Variants in ADCY1 observed in about 807,000 individuals in gnomAD.
ADCY1 encodes adenylate cyclase 1.
A neutral mutation model predicts 105.4 loss-of-function variants in ADCY1; 28 were observed. The ratio of observed to expected loss-of-function variants is 0.27; its 90% CI spans 0.20 to 0.36. The LOEUF (loss-of-function observed/expected upper bound fraction) is 0.36, where lower values mean the gene tolerates loss of function less well. ADCY1 is among the 10% of genes least tolerant of loss of function. ADCY1 has a pLI of 1.00. For missense variants in ADCY1, 977 were observed against 1,434.2 expected, an observed-to-expected ratio of 0.68 and a Z score of 5.15; for synonymous variants, 655 against 623.8, an observed-to-expected ratio of 1.05 and a Z score of -0.75.
chr7:45,589,778 C>T (rs1792854140), intron 1 of ADCY1, among the ~76,000 whole-genome samples: 1 of 151,352 alleles, frequency 6.6e-6, no homozygotes, highest in Non-Finnish European at 1.5e-5. Context: ...TTCTCAACCA[C>T]CCTCCACCGT....
Position 45,575,488 on chromosome 7 carries a change from G to A in ADCY1, c.639+306G>A, listed in dbSNP as rs1194006118. Among the ~76,000 whole-genome samples, 2 of 152,262 alleles carry A rather than the reference G, an allele frequency of 1.3e-5. No homozygotes were observed. The highest frequency in any genetic ancestry group is 4.8e-5 in the African/African-American group (2 of 41,480). ...GGGAGCTGATGAGCGGCCAGACGGC[G>A]GCCAGAGGGGTCCGCCGGTCTTTTG... On this transcript the variant is annotated intron_variant, in intron 1 of 19. Coordinates refer to ENST00000297323, the MANE Select transcript of ADCY1 (RefSeq NM_021116.4). This position sits in a 1 kb window ranked among gnomAD's most constrained non-coding sequence, Gnocchi z 4.7.
intron 12 of ADCY1, among the ~76,000 whole-genome samples, 158 bp downstream of exon 12, chr7:45,685,226 T>G (rs1784642464): frequency 6.6e-6 from 1 of 152,210 alleles, no homozygotes; most frequent in African/African-American, 2.4e-5. Flanking sequence ...CAAGAGACTT[T>G]ACTTAGCAGA....
intron 4 of ADCY1, among the ~76,000 whole-genome samples, chr7:45,646,109 G>T (rs1160249906): frequency 6.6e-6 from 1 of 152,092 alleles, no homozygotes; most frequent in East Asian, 1.9e-4. Context: ...ACATTTGGGG[G>T]ATGTTTGGAA....
chr7:45,578,735 G>T (rs1792426207), intron 1 of ADCY1, among the ~76,000 whole-genome samples: 1 of 152,200 alleles, frequency 6.6e-6, no homozygotes, highest in African/African-American at 2.4e-5. Context: ...CATTGCCTGG[G>T]GAGAACCAGG....
At chr7:45,656,282 G>A (rs552587933) in intron 5 of ADCY1, among the ~76,000 whole-genome samples, 30 of 150,522 alleles carry the variant, frequency 2.0e-4, no homozygotes, top group Middle Eastern at 3.4e-3. Context: ...CAGCCTGGGC[G>A]ACAGAGCGAA....
chr7:45,621,687 T>C (rs943072273), intron 3 of ADCY1, among the ~76,000 whole-genome samples: 2 of 152,192 alleles, frequency 1.3e-5, no homozygotes, highest in African/African-American at 2.4e-5. Context: ...TCTTTGGCGA[T>C]ACACTGTGTT....
chr7:45,655,749 A>G (rs1284597901), intron 5 of ADCY1, among the ~76,000 whole-genome samples: 2 of 152,094 alleles, frequency 1.3e-5, no homozygotes, highest in Non-Finnish European at 2.9e-5. Context: ...TGCTTTGGTG[A>G]GCTCGAGGGG....
At position 45,575,205 on chromosome 7, in the gene ADCY1, C is replaced by T; in HGVS notation, c.639+23C>T. 3 of 1,559,660 alleles carry T rather than the reference C, an allele frequency of 1.9e-6. No individual in the cohort carries two copies. The highest frequency in any genetic ancestry group is 2.6e-6 in the Non-Finnish European group (3 of 1,155,068). On this transcript the variant is annotated intron_variant, in intron 1 of 19. Coordinates refer to ENST00000297323, the MANE Select transcript of ADCY1 (RefSeq NM_021116.4). The surrounding 1 kb of genome is among the most constrained non-coding windows in gnomAD (Gnocchi z 4.7). ...ACGGTAAGTGCAGCCGCGCACCCCTCATCTGGTCTCGGACACACTTGCTGG... is the reference window on the plus strand; with the variant it reads ...ACGGTAAGTGCAGCCGCGCACCCCTTATCTGGTCTCGGACACACTTGCTGG...
intron 8 of ADCY1, among the ~76,000 whole-genome samples, chr7:45,669,054 A>G (rs1311594618): frequency 7.9e-5 from 12 of 151,624 alleles, no homozygotes; most frequent in Non-Finnish European, 1.8e-4. Context: ...GCGGTCTATC[A>G]ATTTTGTTGA....
chr7:45,678,282 G>C lies in ADCY1; in HGVS notation c.1898+19G>C. On this transcript the variant is annotated intron_variant, in intron 10 of 19. Coordinates refer to ENST00000297323, the MANE Select transcript of ADCY1 (RefSeq NM_021116.4). ...TCCCACAGTGAGTATTTCTATCAAC[G>C]AGGTGAGGAACTCACCAAGAAGTCC... 3 of 1,606,552 alleles carry C rather than the reference G, an allele frequency of 1.9e-6. No individual in the cohort carries two copies. The highest frequency in any genetic ancestry group is 2.2e-5 in the South Asian group (2 of 90,940).
rs1785381231 is a variant in ADCY1 at position 45,717,503 on chromosome 7, ATT to A, written c.*3509_*3510del. On this transcript the variant is annotated 3_prime_UTR_variant, in exon 20 of 20. Coordinates refer to ENST00000297323, the MANE Select transcript of ADCY1 (RefSeq NM_021116.4). ...GCCATTCGGGTAGGATTCTCTCTAAATTATTTATTGAAGAGGCTTTGTAAATA... is the reference window on the plus strand; with the variant it reads ...GCCATTCGGGTAGGATTCTCTCTAAAATTTATTGAAGAGGCTTTGTAAATA... The A allele has an allele frequency of 6.6e-6, 1 of 152,520 alleles. No homozygotes were observed. Among genetic ancestry groups the A allele is most frequent in the South Asian group, 2.1e-4 (1 of 4,830 alleles). 9.4% of individuals were successfully genotyped at this position (152,520 alleles called of 1,614,324 possible). A position where few individuals can be genotyped will look rare whatever the true frequency, so the allele number is the denominator to read the frequency against.
chr7:45,609,146 CTGGGATTT>C (rs1793459836), intron 2 of ADCY1, among the ~76,000 whole-genome samples: 1 of 152,212 alleles, frequency 6.6e-6, no homozygotes, highest in South Asian at 2.1e-4. Flanking sequence ...CAGAGATCAT[CTGGGATTT>C]TGGGATGTGG....
intron 4 of ADCY1, among the ~76,000 whole-genome samples, chr7:45,628,447 A>G (rs751496997): frequency 5.3e-5 from 8 of 152,152 alleles, no homozygotes; most frequent in Non-Finnish European, 1.0e-4. Flanking sequence ...CACAGCAGGG[A>G]AAGTGTTTCC....
intron 4 of ADCY1, among the ~76,000 whole-genome samples, chr7:45,648,068 T>C (rs1104975): frequency 0.41 from 62,029 of 152,154 alleles, 12,844 homozygotes; most frequent in Middle Eastern, 0.48. Context: ...ATGTGCCCTG[T>C]GAGGCTGGTG....
chr7:45,593,291 C>T (rs1178443145), intron 2 of ADCY1, among the ~76,000 whole-genome samples: 2 of 152,226 alleles, frequency 1.3e-5, no homozygotes, highest in South Asian at 2.1e-4. Context: ...CAGCTCTGCC[C>T]TTGGCTCAGT....
chr7:45,620,632 G>A (rs1043737781), intron 3 of ADCY1, among the ~76,000 whole-genome samples: 3 of 152,158 alleles, frequency 2.0e-5, no homozygotes, highest in African/African-American at 7.2e-5. Context: ...ACTGAGACAT[G>A]TCATTATCAA....
At chr7:45,658,215 CTT>C (rs1794991537) in intron 6 of ADCY1, among the ~76,000 whole-genome samples, 1 of 152,248 alleles carries the variant, frequency 6.6e-6, no homozygotes, top group African/African-American at 2.4e-5. Flanking sequence ...CACTGCATCA[CTT>C]CTCTTTTTGC....
intron 11 of ADCY1, among the ~76,000 whole-genome samples, chr7:45,682,163 G>A (rs1325209869): frequency 1.3e-5 from 2 of 152,192 alleles, no homozygotes; most frequent in African/African-American, 2.4e-5. Context: ...CACAGCACAC[G>A]CTCAGTTGGA....
rs201746307 is a variant in ADCY1 at position 45,677,865 on chromosome 7, C to T, written c.1606-4C>T. The T allele has an allele frequency of 4.7e-5, 76 of 1,612,766 alleles. No individual in the cohort carries two copies. Among genetic ancestry groups the T allele is most frequent in the Non-Finnish European group, 6.0e-5 (71 of 1,179,586 alleles). On this transcript the variant is annotated splice_region_variant and splice_polypyrimidine_tract_variant and intron_variant, in intron 8 of 19. Transcript: ENST00000297323. ...ATACTCCTTTATTTCCATGATGGCTCCAGCGGAGGGCATTAAGAACAGCCT... is the reference window on the plus strand; with the variant it reads ...ATACTCCTTTATTTCCATGATGGCTTCAGCGGAGGGCATTAAGAACAGCCT...
Sources: allele counts gnomAD v4.1 joint callset (sites outside exome capture counted in the v4.1 genomes callset), GRCh38; gene constraint gnomAD v4.1.1; non-coding constraint Gnocchi (gnomAD v3.1); transcripts MANE v1.5; gene names NCBI Gene and HGNC (gene_info 2026-07-23, HGNC 2026-07-21).